The following CLASP2 variants were observed in gnomAD, a reference collection of about 807,000 sequenced individuals.
CLASP2 encodes CLIP-associating protein 2.
A neutral mutation model predicts 194.4 loss-of-function variants in CLASP2; 47 were observed. That is an observed-to-expected ratio of 0.24 (90% CI 0.19 to 0.31). The LOEUF is 0.31. Among genes scored for constraint, CLASP2 ranks in the 10% least tolerant of loss-of-function variants. CLASP2 has a pLI of 1.00. For missense variants in CLASP2, 1,445 were observed against 1,823.6 expected, an observed-to-expected ratio of 0.79 and a Z score of 3.78; for synonymous variants, 619 against 633.5, an observed-to-expected ratio of 0.98 and a Z score of 0.34.
intron 38 of CLASP2, among the ~76,000 whole-genome samples, chr3:33,499,752 G>A (rs1369893459): frequency 6.6e-6 from 1 of 152,124 alleles, no homozygotes; most frequent in Non-Finnish European, 1.5e-5. Context: ...AGTACTAGGT[G>A]TTACACGATA....
In CLASP2 at chr3:33,671,724, G is replaced by A. The variant is rs561004412; in HGVS notation, c.645-8209C>T. 7.2e-5 allele frequency among the ~76,000 whole-genome samples: 11 copies of A among 152,276 alleles called. No homozygotes were observed. The East Asian group carries it at 1.9e-3, about 27-fold the overall frequency. ...GGTGACAGATGGCACCTGGAAAATCGGGTCACTCCCACCTGAATACTGCGC... is the reference window on the plus strand; with the variant it reads ...GGTGACAGATGGCACCTGGAAAATCAGGTCACTCCCACCTGAATACTGCGC... On this transcript the variant is annotated intron_variant, in intron 6 of 38. Coordinates refer to ENST00000682230, the MANE Select transcript of CLASP2 (RefSeq NM_001365631.1).
At chr3:33,604,128 T>C in intron 17 of CLASP2, 26 bp downstream of exon 17, 1 of 1,506,058 alleles carries the variant, frequency 6.6e-7, no homozygotes, top group Non-Finnish European at 9.0e-7. Context: ...AAATAGGTTA[T>C]AACTCTTATT....
intron 20 of CLASP2, among the ~76,000 whole-genome samples, chr3:33,594,504 T>C (rs575064437): frequency 1.3e-5 from 2 of 152,136 alleles, no homozygotes; most frequent in South Asian, 4.1e-4. Context: ...GATTCAAAAG[T>C]AGAAGACATA....
At chr3:33,671,504 G>C (rs1467832638) in intron 6 of CLASP2, among the ~76,000 whole-genome samples, 1 of 152,168 alleles carries the variant, frequency 6.6e-6, no homozygotes, top group Admixed American at 6.5e-5. Flanking sequence ...ACAGCTCCCA[G>C]CGTGAGAGAC....
intron 8 of CLASP2, among the ~76,000 whole-genome samples, chr3:33,635,206 G>A (rs2079908346): frequency 6.6e-6 from 1 of 151,858 alleles, no homozygotes. Flanking sequence ...GTTGCAGTGA[G>A]TGTGAACTGA....
At chr3:33,612,195 T>G in intron 12 of CLASP2, 124 bp from the exon 13 acceptor site, 3 of 633,684 alleles carry the variant, frequency 4.7e-6, no homozygotes, top group Non-Finnish European at 8.2e-6. Context: ...GATATTAGAT[T>G]TGAAAGAAAT....
intron 18 of CLASP2, 46 bp from the exon 19 acceptor site, chr3:33,596,780 TAG>T: frequency 7.0e-7 from 1 of 1,434,012 alleles, no homozygotes; most frequent in Non-Finnish European, 9.6e-7. Flanking sequence ...CTTAGTATAT[TAG>T]AAGAAATGAT....
intron 19 of CLASP2, among the ~76,000 whole-genome samples, chr3:33,595,618 T>C (rs1196780762): frequency 6.6e-6 from 1 of 152,070 alleles, no homozygotes; most frequent in African/African-American, 2.4e-5. Context: ...GTATTTTTTT[T>C]AAACATAGGA....
intron 7 of CLASP2, among the ~76,000 whole-genome samples, chr3:33,661,742 A>G (rs1226150126): frequency 6.6e-6 from 1 of 152,230 alleles, no homozygotes; most frequent in Non-Finnish European, 1.5e-5. Context: ...GGAGAGATGA[A>G]TGATGGCTAG....
At chr3:33,520,880 A>G (rs182224700) in intron 34 of CLASP2, among the ~76,000 whole-genome samples, 7 of 151,152 alleles carry the variant, frequency 4.6e-5, no homozygotes, top group Non-Finnish European at 8.8e-5. Flanking sequence ...AGCTCTGCCC[A>G]CTGAGAGGTC....
chr3:33,615,367 T>A (rs2075938663), intron 12 of CLASP2, among the ~76,000 whole-genome samples: 1 of 141,880 alleles, frequency 7.0e-6, no homozygotes. Flanking sequence ...ATAAGGAACT[T>A]CTAAATTACA....
rs1332239125 is a variant in CLASP2 at position 33,498,523 on chromosome 3, G to T, written c.*108C>A. 1.5e-6 allele frequency: 1 copy of T among 668,240 alleles called. No homozygotes were observed. Among genetic ancestry groups the T allele is most frequent in the Non-Finnish European group, 2.6e-6 (1 of 391,470 alleles). The allele number at this position is 668,240 out of a possible 1,614,324, so 41.4% of individuals were successfully genotyped here. ...AAACGAAACAAAAAACTAAAACTGG[G>T]AAACAATAGTAAGTTCCAAAGGATG... On this transcript the variant is annotated 3_prime_UTR_variant, in exon 39 of 39. Transcript: ENST00000682230.
intron 36 of CLASP2, among the ~76,000 whole-genome samples, chr3:33,513,698 A>T (rs2050532925): frequency 6.6e-6 from 1 of 152,222 alleles, no homozygotes; most frequent in Non-Finnish European, 1.5e-5. Context: ...TTGGGTGTTA[A>T]GTGGTCTCTC....
At chr3:33,570,881 A>G (rs2063596020) in intron 25 of CLASP2, 91 bp from the exon 26 acceptor site, 1 of 1,231,944 alleles carries the variant, frequency 8.1e-7, no homozygotes, top group Non-Finnish European at 1.1e-6. Flanking sequence ...TTAAAAAAAA[A>G]AAAAAAAGGT....
chr3:33,611,585 T>C (rs1364598169), intron 13 of CLASP2, among the ~76,000 whole-genome samples: 1 of 152,226 alleles, frequency 6.6e-6, no homozygotes, highest in African/African-American at 2.4e-5. Flanking sequence ...TCTACTAATG[T>C]GTATCTCATT....
intron 32 of CLASP2, among the ~76,000 whole-genome samples, chr3:33,540,232 A>AT (rs11398038): frequency 0.95 from 115,884 of 122,270 alleles, 55,144 homozygotes; most frequent in South Asian, 0.99. Context: ...GACTGGCCAA[A>AT]TTTTTTTTTT....
intron 30 of CLASP2, among the ~76,000 whole-genome samples, chr3:33,548,976 T>C (rs1394087254): frequency 1.3e-5 from 2 of 151,786 alleles, no homozygotes; most frequent in Non-Finnish European, 2.9e-5. Context: ...TCTTGTCATA[T>C]TGCCCAGTCT....
At chr3:33,665,443 G>A (rs1352385602) in intron 6 of CLASP2, among the ~76,000 whole-genome samples, 1 of 152,136 alleles carries the variant, frequency 6.6e-6, no homozygotes, top group Non-Finnish European at 1.5e-5. Flanking sequence ...TTGGGACTGG[G>A]TTGGGCTAAG....
intron 2 of CLASP2, among the ~76,000 whole-genome samples, chr3:33,692,442 T>C (rs1041022263): frequency 2.0e-5 from 3 of 152,194 alleles, no homozygotes; most frequent in Non-Finnish European, 2.9e-5. Flanking sequence ...AACTTCACAT[T>C]ACATAAAATT....
Sources: gnomAD v4.1 joint callset for allele counts (sites outside exome capture counted in the v4.1 genomes callset) on GRCh38, gnomAD v4.1.1 for gene constraint, MANE v1.5 for transcripts, NCBI Gene and HGNC (gene_info 2026-07-23, HGNC 2026-07-21) for gene names.